Variants in RABGAP1L observed in about 807,000 individuals in gnomAD.
RABGAP1L encodes RAB GTPase activating protein 1 like, also known as rab GTPase-activating protein 1-like.
In RABGAP1L, 63 loss-of-function variants were observed where a neutral mutation model predicts 137.7. The observed-to-expected ratio is 0.46, with a 90% CI of 0.37 to 0.56. RABGAP1L has a LOEUF of 0.56. Ranked by LOEUF, RABGAP1L falls within the 20% of genes least tolerant of loss-of-function variation. RABGAP1L has a pLI of 0.00. For missense variants in RABGAP1L, 1,095 were observed against 1,244.0 expected, an observed-to-expected ratio of 0.88 and a Z score of 1.80; for synonymous variants, 431 against 433.7, an observed-to-expected ratio of 0.99 and a Z score of 0.08.
At chr1:174,582,585 G>A (rs1668822614) in intron 13 of RABGAP1L, among the ~76,000 whole-genome samples, 1 of 152,140 alleles carries the variant, frequency 6.6e-6, no homozygotes, top group Admixed American at 6.6e-5. Flanking sequence ...TTTAAAAAGA[G>A]AGAGAGATGG....
At chr1:174,173,980 A>G (rs1204022813) in intron 1 of RABGAP1L, among the ~76,000 whole-genome samples, 1 of 152,192 alleles carries the variant, frequency 6.6e-6, no homozygotes, top group Non-Finnish European at 1.5e-5. Context: ...AAAGCCCCCA[A>G]ATAGTTGTCA....
intron 12 of RABGAP1L, among the ~76,000 whole-genome samples, chr1:174,388,144 C>T (rs10912776): frequency 0.29 from 44,396 of 151,732 alleles, 7,267 homozygotes; most frequent in African/African-American, 0.43. Context: ...ACACTTTGTG[C>T]TTTGGGGAAA....
chr1:174,810,736 T>C (rs1052048457), intron 18 of RABGAP1L, among the ~76,000 whole-genome samples: 1 of 152,166 alleles, frequency 6.6e-6, no homozygotes, highest in Non-Finnish European at 1.5e-5. Flanking sequence ...TTTATAGCTG[T>C]TTATTAAAAT....
chr1:174,697,625 C>T (rs2148513267), intron 15 of RABGAP1L, among the ~76,000 whole-genome samples: 1 of 152,270 alleles, frequency 6.6e-6, no homozygotes, highest in South Asian at 2.1e-4. Flanking sequence ...GGCCTGGCTA[C>T]AGTTATCTTA....
intron 19 of RABGAP1L, among the ~76,000 whole-genome samples, chr1:174,896,272 C>A (rs1385387566): frequency 6.6e-6 from 1 of 152,100 alleles, no homozygotes; most frequent in East Asian, 1.9e-4. Context: ...TATCCTTCAC[C>A]CACTTTTTGA....
intron 18 of RABGAP1L, among the ~76,000 whole-genome samples, chr1:174,752,809 A>G (rs1470917492): frequency 1.3e-5 from 2 of 152,234 alleles, no homozygotes; most frequent in Non-Finnish European, 2.9e-5. Flanking sequence ...AGTTCTTTCC[A>G]TGATAGTTAG....
intron 12 of RABGAP1L, among the ~76,000 whole-genome samples, chr1:174,384,814 G>T (rs1686606285): frequency 6.6e-6 from 1 of 152,080 alleles, no homozygotes; most frequent in South Asian, 2.1e-4. Flanking sequence ...TGAATTTTTT[G>T]ATGAAATATC....
chr1:174,431,408 G>A (rs1383007478), intron 13 of RABGAP1L, among the ~76,000 whole-genome samples: 4 of 152,222 alleles, frequency 2.6e-5, no homozygotes, highest in East Asian at 1.9e-4. Context: ...TGTAAGAAAC[G>A]TTGAAATTTC....
intron 12 of RABGAP1L, among the ~76,000 whole-genome samples, chr1:174,389,943 C>A (rs1002902297): frequency 6.6e-6 from 1 of 152,058 alleles, no homozygotes; most frequent in Admixed American, 6.6e-5. Flanking sequence ...TAACTAGTTG[C>A]CTATTTTCAA....
rs1409153654 is a variant in RABGAP1L at position 174,628,088 on chromosome 1, C to T, written c.1711-9287C>T. Reference sequence around the variant, plus strand: ...TTCTTCTGGACATATTTGTGTACATCTTTCTTTATTGTGTGGGTTACATGC... The same window carrying T: ...TTCTTCTGGACATATTTGTGTACATTTTTCTTTATTGTGTGGGTTACATGC... On this transcript the variant is annotated intron_variant, in intron 13 of 25. Coordinates refer to ENST00000681986, the MANE Select transcript of RABGAP1L (RefSeq NM_001366446.1). Among the ~76,000 whole-genome samples the T allele has an allele frequency of 2.0e-5, 3 of 152,104 alleles. No individual in the cohort carries two copies. The East Asian group carries it at 5.8e-4, about 29-fold the overall frequency.
At chr1:174,376,758 A>C (rs561269116) in intron 12 of RABGAP1L, among the ~76,000 whole-genome samples, 2 of 152,318 alleles carry the variant, frequency 1.3e-5, no homozygotes, top group Admixed American at 6.5e-5. Flanking sequence ...GCTAACATCT[A>C]ACTTAAGAAT....
chr1:174,922,860 G>A (rs186091183), intron 19 of RABGAP1L, among the ~76,000 whole-genome samples: 1 of 152,212 alleles, frequency 6.6e-6, no homozygotes. Context: ...TTGATTTCCT[G>A]TTCTATAAAA....
chr1:174,847,659 C>G (rs1306286800), intron 19 of RABGAP1L, among the ~76,000 whole-genome samples: 4 of 133,776 alleles, frequency 3.0e-5, no homozygotes, highest in Admixed American at 7.8e-5. Context: ...CTGCCCTTAA[C>G]ATTTTTTCCT....
intron 19 of RABGAP1L, chr1:174,877,471 G>C (rs779407615): frequency 5.0e-6 from 8 of 1,613,766 alleles, no homozygotes; most frequent in Non-Finnish European, 6.8e-6. Context: ...AGCAGCTGCT[G>C]CTGTGGAAAG....
In RABGAP1L at chr1:174,537,985, A is replaced by G. The variant is rs1665026933; in HGVS notation, c.1711-99390A>G. ...CCAGATGAATCTCCTTGAAGCTTACATTGTTATGTAATTTCCTTATTTTCT... is the reference window on the plus strand; with the variant it reads ...CCAGATGAATCTCCTTGAAGCTTACGTTGTTATGTAATTTCCTTATTTTCT... On this transcript the variant is annotated intron_variant, in intron 13 of 25. Transcript: ENST00000681986. Among the ~76,000 whole-genome samples, 4 of 152,208 alleles carry G rather than the reference A, an allele frequency of 2.6e-5. No individual in the cohort carries two copies. In the South Asian group the frequency reaches 8.3e-4, roughly 32 times the overall value.
At chr1:174,343,822 A>G (rs1266170439) in intron 11 of RABGAP1L, among the ~76,000 whole-genome samples, 3 of 152,204 alleles carry the variant, frequency 2.0e-5, no homozygotes, top group Non-Finnish European at 4.4e-5. Flanking sequence ...TTGGGCTCTC[A>G]GCACATTATA....
chr1:174,578,950 A>G (rs1241864696), intron 13 of RABGAP1L, among the ~76,000 whole-genome samples: 2 of 152,176 alleles, frequency 1.3e-5, no homozygotes, highest in African/African-American at 2.4e-5. Context: ...GTTTTCATAC[A>G]TATGAGACTT....
intron 11 of RABGAP1L, among the ~76,000 whole-genome samples, chr1:174,361,842 G>T (rs1684170532): frequency 1.3e-5 from 2 of 152,256 alleles, no homozygotes; most frequent in South Asian, 4.1e-4. Flanking sequence ...AGGTAAATGT[G>T]TGTCATGGGG....
chr1:174,615,410 G>T (rs192256989), intron 13 of RABGAP1L, among the ~76,000 whole-genome samples: 3 of 152,320 alleles, frequency 2.0e-5, no homozygotes, highest in Admixed American at 2.0e-4. Context: ...AACCACAAAT[G>T]CTGCTGTCTG....
Sources: gnomAD v4.1 joint callset for allele counts (sites outside exome capture counted in the v4.1 genomes callset) on GRCh38, gnomAD v4.1.1 for gene constraint, MANE v1.5 for transcripts, NCBI Gene and HGNC (gene_info 2026-07-23, HGNC 2026-07-21) for gene names.